The following SMARCC1 variants were observed in gnomAD, a reference collection of about 807,000 sequenced individuals.
The protein encoded by SMARCC1 is SWI/SNF related BAF chromatin remodeling complex subunit C1, also known as SWI/SNF complex subunit SMARCC1.
Under a neutral mutation model 147.4 loss-of-function variants are expected in SMARCC1, and 43 were observed. The ratio of observed to expected loss-of-function variants is 0.29; its 90% CI spans 0.23 to 0.38. The LOEUF (loss-of-function observed/expected upper bound fraction) is 0.38. Ranked by LOEUF, SMARCC1 falls within the 10% of genes least tolerant of loss-of-function variation. The probability of loss-of-function intolerance (pLI) is 1.00; values close to 1 mark genes in which losing one functional copy is unlikely to be tolerated. For synonymous variants in SMARCC1, 495 were observed against 484.4 expected (o/e 1.02, Z -0.29); for missense variants, 1,119 against 1,381.1 (o/e 0.81, Z 3.01).
At chr3:47,599,725 CTGAT>C (rs1036471600) in intron 26 of SMARCC1, among the ~76,000 whole-genome samples, 2 of 152,220 alleles carry the variant, frequency 1.3e-5, no homozygotes, top group African/African-American at 4.8e-5. Flanking sequence ...TGTCACCAAA[CTGAT>C]TGATCCATTA....
At chr3:47,734,573 A>G (rs2034417435) in intron 5 of SMARCC1, among the ~76,000 whole-genome samples, 2 of 152,206 alleles carry the variant, frequency 1.3e-5, no homozygotes, top group Non-Finnish European at 2.9e-5. Context: ...GTTTCAGGAA[A>G]ATTATCTTCT....
chr3:47,621,059 C>T (rs1351397966), intron 25 of SMARCC1, among the ~76,000 whole-genome samples: 2 of 152,084 alleles, frequency 1.3e-5, no homozygotes, highest in Non-Finnish European at 2.9e-5. Context: ...CCCAGCCCTT[C>T]AGGAGGCTGA....
intron 25 of SMARCC1, among the ~76,000 whole-genome samples, chr3:47,621,818 TAAA>T (rs775171684): frequency 1.5e-5 from 2 of 129,498 alleles, no homozygotes; most frequent in Non-Finnish European, 1.7e-5. Flanking sequence ...ATTAAAACTT[TAAA>T]AAAAAAAAAA....
intron 19 of SMARCC1, among the ~76,000 whole-genome samples, chr3:47,668,084 C>A (rs956412664): frequency 1.1e-4 from 16 of 152,020 alleles, no homozygotes; most frequent in Non-Finnish European, 1.6e-4. Context: ...AAAAAAAATT[C>A]TTTAGTCACT....
chr3:47,682,752 ATAT>A (rs1343569483), intron 14 of SMARCC1, among the ~76,000 whole-genome samples: 11 of 152,370 alleles, frequency 7.2e-5, no homozygotes, highest in African/African-American at 2.6e-4. Context: ...AGTATGTCAT[ATAT>A]TAATAATTGT....
chr3:47,675,989 G>A (rs765068017), intron 17 of SMARCC1, among the ~76,000 whole-genome samples: 7 of 151,572 alleles, frequency 4.6e-5, no homozygotes, highest in African/African-American at 7.3e-5. Context: ...ACCACTCTTG[G>A]TGGATTTCCT....
At position 47,588,148 on chromosome 3, in the gene SMARCC1, G is replaced by C. The variant is rs1408349641; in HGVS notation, c.*61C>G. 1 of 1,322,428 alleles carries C rather than the reference G, an allele frequency of 7.6e-7. No homozygotes were observed. Among genetic ancestry groups the C allele is most frequent in the African/African-American group, 1.5e-5 (1 of 67,758 alleles). 81.9% of individuals were successfully genotyped at this position (1,322,428 alleles called of 1,614,324 possible). ...AACCCAAGAAAGTTGAGGAACACAA[G>C]TCTTGTCATCCCCACTCCAGCTCAT... On this transcript the variant is annotated 3_prime_UTR_variant, in exon 28 of 28. Coordinates refer to ENST00000254480, the MANE Select transcript of SMARCC1 (RefSeq NM_003074.4).
chr3:47,738,302 C>A (rs1431191585), intron 3 of SMARCC1, among the ~76,000 whole-genome samples, 192 bp from the exon 4 acceptor site: 7 of 152,158 alleles, frequency 4.6e-5, no homozygotes, highest in African/African-American at 1.7e-4. Flanking sequence ...ATATTAAGAT[C>A]CACCTCAGTG....
intron 12 of SMARCC1, among the ~76,000 whole-genome samples, chr3:47,691,687 A>G (rs2033790641): frequency 6.6e-6 from 1 of 151,328 alleles, no homozygotes; most frequent in Admixed American, 6.6e-5. Context: ...CAAAATACCC[A>G]CTCGTATCTG....
chr3:47,725,724 T>A (rs78290842), intron 6 of SMARCC1, among the ~76,000 whole-genome samples: 6,286 of 151,538 alleles, frequency 0.041, 303 homozygotes, highest in Admixed American at 0.13. Context: ...AGTGCTGGGA[T>A]TATAGGCATG....
intron 2 of SMARCC1, among the ~76,000 whole-genome samples, chr3:47,748,533 A>AT (rs11397089): frequency 1 from 152,247 of 152,250 alleles, 76,122 homozygotes; most frequent in Non-Finnish European, 1. Flanking sequence ...CTATTATAAT[A>AT]TTTAATGACC....
At chr3:47,751,407 G>T (rs1399916659) in intron 2 of SMARCC1, among the ~76,000 whole-genome samples, 1 of 152,024 alleles carries the variant, frequency 6.6e-6, no homozygotes, top group Non-Finnish European at 1.5e-5. Context: ...TGGGCATGGT[G>T]GCAGGCACCT....
chr3:47,680,412 A>T, intron 15 of SMARCC1, 25 bp downstream of exon 15: 1 of 1,560,762 alleles, frequency 6.4e-7, no homozygotes, highest in Non-Finnish European at 8.8e-7. Context: ...GCAAATAAAC[A>T]AGTTTTCTAA....
chr3:47,638,732 G>C lies in SMARCC1; in HGVS notation c.2369C>G (p.Pro790Arg). Reference sequence around the variant, plus strand: ...ACTGCTGTGAGACTTTACCTTTTCAGGCTGCTGACCATCAGGGTCGGCTTC... The same window carrying C: ...ACTGCTGTGAGACTTTACCTTTTCACGCTGCTGACCATCAGGGTCGGCTTC... Reference protein sequence around the residue: ...KMEADPDGQQPEKAENKVENE... With the variant: ...KMEADPDGQQREKAENKVENE... Residue 790 changes from proline (P) to arginine (R), a missense_variant, in exon 22 of 28, where the codon CCT becomes CGT. Pro to Arg is a moderately radical substitution (Grantham distance 103). Coordinates refer to ENST00000254480, the MANE Select transcript of SMARCC1 (RefSeq NM_003074.4). The C allele has an allele frequency of 1.2e-6, 2 of 1,612,860 alleles. No individual in the cohort carries two copies. The highest frequency in any genetic ancestry group is 1.7e-6 in the Non-Finnish European group (2 of 1,178,850).
Position 47,646,120 on chromosome 3 carries a change from G to C in SMARCC1, c.2321-7340C>G, listed in dbSNP as rs372638262. Among the ~76,000 whole-genome samples, 7 of 152,174 alleles carry C rather than the reference G, an allele frequency of 4.6e-5. 1 individual carries two copies. Among genetic ancestry groups the C allele is most frequent in the African/African-American group, 1.7e-4 (7 of 41,520 alleles). On this transcript the variant is annotated intron_variant, in intron 21 of 27. Transcript: ENST00000254480. ...GGATCACTTGAGCCCAGGAGTTCAA[G>C]AATAGCCTGGGCAACAGAGCAAGAC...
chr3:47,732,139 C>G (rs991060329), intron 5 of SMARCC1, among the ~76,000 whole-genome samples: 2 of 152,194 alleles, frequency 1.3e-5, no homozygotes, highest in African/African-American at 2.4e-5. Context: ...GCTGCTTCAA[C>G]TTGGCATTTT....
At chr3:47,672,524 G>C (rs2033514779) in intron 18 of SMARCC1, among the ~76,000 whole-genome samples, 1 of 152,118 alleles carries the variant, frequency 6.6e-6, no homozygotes, top group Non-Finnish European at 1.5e-5. Context: ...ATTACTTTAA[G>C]ATAACCAAAG....
At chr3:47,671,276 A>G (rs2033499116) in intron 18 of SMARCC1, among the ~76,000 whole-genome samples, 1 of 150,600 alleles carries the variant, frequency 6.6e-6, no homozygotes, top group Admixed American at 6.7e-5. Flanking sequence ...TGTTATTTCT[A>G]TTATTTTGAT....
rs957249884 is a variant in SMARCC1 at position 47,613,229 on chromosome 3, A to G, written c.2782-2902T>C. Among the ~76,000 whole-genome samples the G allele has an allele frequency of 9.9e-5, 15 of 152,272 alleles. No individual in the cohort carries two copies. In the East Asian group the frequency reaches 2.9e-3, roughly 29 times the overall value. On this transcript the variant is annotated intron_variant, in intron 25 of 27. Transcript: ENST00000254480. ...TTACATAAGATAACCTGAATGGGGG[A>G]AAAAACAAGTTGCAATAAAAATATT... is the stretch of plus-strand genomic sequence containing the variant.
Sources: allele counts gnomAD v4.1 joint callset (sites outside exome capture counted in the v4.1 genomes callset), GRCh38; gene constraint gnomAD v4.1.1; transcripts MANE v1.5; gene names NCBI Gene and HGNC (gene_info 2026-07-23, HGNC 2026-07-21).